Variants in CLPTM1L observed in about 807,000 individuals in gnomAD.
CLPTM1L encodes the protein lipid scramblase CLPTM1L.
In CLPTM1L, 38 loss-of-function variants were observed where a neutral mutation model predicts 70.9. That is an observed-to-expected ratio of 0.54 (90% CI 0.41 to 0.70). The LOEUF is 0.70. Ranked by LOEUF, CLPTM1L falls within the 30% of genes least tolerant of loss-of-function variation. The pLI, the probability that CLPTM1L is intolerant of heterozygous loss-of-function variation, is 0.00. For synonymous variants in CLPTM1L, 339 were observed against 299.9 expected, an observed-to-expected ratio of 1.13 and a Z score of -1.35; for missense variants, 652 against 705.9, an observed-to-expected ratio of 0.92 and a Z score of 0.87.
At chr5:1,328,676 C>T (rs1002483402) in intron 9 of CLPTM1L, among the ~76,000 whole-genome samples, 5 of 150,684 alleles carry the variant, frequency 3.3e-5, no homozygotes, top group African/African-American at 1.2e-4. Flanking sequence ...TGTCTACAGA[C>T]ACATTTCATC....
chr5:1,344,136 A>C (rs1478601775), intron 2 of CLPTM1L, among the ~76,000 whole-genome samples: 1 of 152,226 alleles, frequency 6.6e-6, no homozygotes, highest in African/African-American at 2.4e-5. Flanking sequence ...TCTGCTGAGA[A>C]CTACTTCTTA....
At chr5:1,332,113 A>C in intron 7 of CLPTM1L, 1 of 551,526 alleles carries the variant, frequency 1.8e-6, no homozygotes, top group Non-Finnish European at 3.3e-6. Context: ...AATAATACGT[A>C]CCTTTGACTT....
rs186343759 is a variant in CLPTM1L at position 1,324,934 on chromosome 5, C to T, written c.1147-121G>A. On this transcript the variant is annotated intron_variant, in intron 10 of 16. Transcript: ENST00000320895. ...CTGACCCAGGCCTCACTACAGAGGG[C>T]GCTCAGGTCCCTACCAGGCGAGGAG... 1.6e-3 allele frequency: 1,353 copies of T among 847,822 alleles called. 17 individuals are homozygous for T. In the Admixed American group the frequency reaches 0.023, roughly 14 times the overall value. 52.5% of individuals were successfully genotyped at this position (847,822 alleles called of 1,614,324 possible). A position where few individuals can be genotyped will look rare whatever the true frequency, so the allele number is the denominator to read the frequency against.
intron 4 of CLPTM1L, 135 bp downstream of exon 4, chr5:1,338,725 A>G: frequency 1.0e-6 from 1 of 961,456 alleles, no homozygotes; most frequent in Non-Finnish European, 1.6e-6. Flanking sequence ...AGTGGGAAAG[A>G]GCTGGGAGGC....
intron 5 of CLPTM1L, 60 bp from the exon 6 acceptor site, chr5:1,335,234 C>T (rs1016847433): frequency 1.5e-6 from 2 of 1,372,712 alleles, no homozygotes; most frequent in Non-Finnish European, 2.1e-6. Flanking sequence ...AGCTGCCTGG[C>T]AGCCCTCGCC....
intron 2 of CLPTM1L, among the ~76,000 whole-genome samples, chr5:1,343,805 G>A (rs1436415305): frequency 6.6e-6 from 1 of 152,110 alleles, no homozygotes; most frequent in Non-Finnish European, 1.5e-5. Flanking sequence ...CTTGTGAGAA[G>A]CAAATCATAT....
Position 1,331,792 on chromosome 5 carries a change from G to C in CLPTM1L, c.976+7C>G, listed in dbSNP as rs373925542. ...TATCTGAGCAGGGCCACGCTCGGGG[G>C]GCCTACCTGCCTTGGTGGACATGCC... On this transcript the variant is annotated splice_region_variant and intron_variant, in intron 8 of 16. Coordinates refer to ENST00000320895, the MANE Select transcript of CLPTM1L (RefSeq NM_030782.5). 9.7e-5 allele frequency: 156 copies of C among 1,612,844 alleles called. No homozygotes were observed. The African/African-American group carries it at 1.9e-3, about 19-fold the overall frequency.
rs544914880 is a variant in CLPTM1L, at chr5:1,340,397, C to T, written c.453+1274G>A. ...ATGGACTGACAGGGAAATCTTAGCT[C>T]GGCTCAGATCTGATACATCCTAGGA... On this transcript the variant is annotated intron_variant, in intron 3 of 16. Transcript: ENST00000320895. 6.6e-4 allele frequency among the ~76,000 whole-genome samples: 100 copies of T among 152,340 alleles called. 1 individual carries two copies. The highest frequency in any genetic ancestry group is 2.2e-3 in the African/African-American group (93 of 41,590).
intron 10 of CLPTM1L, 147 bp from the exon 11 acceptor site, chr5:1,324,960 A>G: frequency 1.5e-6 from 1 of 673,874 alleles, no homozygotes; most frequent in Non-Finnish European, 2.6e-6. Context: ...AGGCGAGGAG[A>G]GGACCCAGAG....
intron 7 of CLPTM1L, among the ~76,000 whole-genome samples, chr5:1,332,522 C>T (rs944974099): frequency 1.1e-4 from 17 of 152,242 alleles, no homozygotes; most frequent in African/African-American, 3.4e-4. Context: ...CAGTGCCGGC[C>T]GCACTCCTGG....
Position 1,332,114 on chromosome 5 carries a change from C to T in CLPTM1L, c.892-231G>A, listed in dbSNP as rs550242451. On this transcript the variant is annotated intron_variant, in intron 7 of 16. Coordinates refer to ENST00000320895, the MANE Select transcript of CLPTM1L (RefSeq NM_030782.5). ...AGGGGCACTTCTGAAATAATACGTA[C>T]CTTTGACTTGAACTGCTGGAAAGGC... 46 of 553,236 alleles carry T rather than the reference C, an allele frequency of 8.3e-5. No homozygotes were observed. The East Asian group carries it at 1.4e-3, about 16-fold the overall frequency. The allele number at this position is 553,236 out of a possible 1,614,324, so 34.3% of individuals were successfully genotyped here.
intron 5 of CLPTM1L, among the ~76,000 whole-genome samples, chr5:1,337,246 A>T (rs776960845): frequency 6.6e-6 from 1 of 152,258 alleles, no homozygotes; most frequent in Non-Finnish European, 1.5e-5. Context: ...ACAGTGCCTC[A>T]TGTGCAGTAA....
At chr5:1,320,101 T>G (rs1269713685) in intron 16 of CLPTM1L, 2 of 152,406 alleles carry the variant, frequency 1.3e-5, no homozygotes, top group African/African-American at 4.8e-5. Context: ...GCCGTCAGCC[T>G]TCAACCTGAA....
intron 7 of CLPTM1L, 35 bp downstream of exon 7, chr5:1,334,254 A>T (rs772327079): frequency 9.7e-6 from 15 of 1,551,644 alleles, no homozygotes; most frequent in Non-Finnish European, 1.3e-5. Context: ...GAGCCCCCCA[A>T]GTGCCTGCGG....
chr5:1,341,607 G>T, intron 3 of CLPTM1L, 64 bp downstream of exon 3: 1 of 1,417,672 alleles, frequency 7.1e-7, no homozygotes, highest in Non-Finnish European at 9.6e-7. Flanking sequence ...CCTGTGTGGA[G>T]AAAGACATGT....
intron 1 of CLPTM1L, 68 bp downstream of exon 1, chr5:1,344,612 G>A (rs1259645351): frequency 4.6e-6 from 7 of 1,506,648 alleles, no homozygotes; most frequent in Middle Eastern, 4.4e-4. Flanking sequence ...ACGGGAAGGC[G>A]ACGTCTGGGG....
At chr5:1,321,929 G>C in intron 13 of CLPTM1L, 110 bp from the exon 14 acceptor site, 1 of 966,380 alleles carries the variant, frequency 1.0e-6, no homozygotes, top group South Asian at 1.4e-5. Flanking sequence ...TCTATGCATA[G>C]TGGGCAGAAA....
intron 15 of CLPTM1L, among the ~76,000 whole-genome samples, chr5:1,321,085 C>T (rs1752124919): frequency 6.6e-6 from 1 of 152,238 alleles, no homozygotes; most frequent in South Asian, 2.1e-4. Flanking sequence ...CCCGAGACCA[C>T]AGCCAAGGGG....
Position 1,337,792 on chromosome 5 carries a change from C to T in CLPTM1L, c.678+112G>A, listed in dbSNP as rs1264570155. 57 of 856,872 alleles carry T rather than the reference C, an allele frequency of 6.7e-5. 1 individual carries two copies. The East Asian group carries it at 1.5e-3, about 23-fold the overall frequency. The allele number at this position is 856,872 out of a possible 1,614,324, so 53.1% of individuals were successfully genotyped here. A position where few individuals can be genotyped will look rare whatever the true frequency, so the allele number is the denominator to read the frequency against. On this transcript the variant is annotated intron_variant, in intron 5 of 16. Transcript: ENST00000320895. ...GTGCTTCCCAGCACGGGTAAAAGCA[C>T]CGTGTCAAATGTCAGCAATGGCCCG...
Sources: allele counts gnomAD v4.1 joint callset (sites outside exome capture counted in the v4.1 genomes callset), GRCh38; gene constraint gnomAD v4.1.1; transcripts MANE v1.5; gene names NCBI Gene and HGNC (gene_info 2026-07-23, HGNC 2026-07-21).